FOXP1: variants seen among roughly 807,000 people sequenced by gnomAD.
FOXP1 encodes the protein forkhead box protein P1.
FOXP1 carries 15 observed loss-of-function variants against 98.2 expected under a neutral mutation model. The observed-to-expected ratio is 0.15, with a 90% confidence interval of 0.10 to 0.24. The LOEUF is 0.24. Among genes scored for constraint, FOXP1 ranks in the 10% least tolerant of loss-of-function variants. The pLI, the probability that FOXP1 is intolerant of heterozygous loss-of-function variation, is 1.00. For synonymous variants in FOXP1, 371 were observed against 314.5 expected, an observed-to-expected ratio of 1.18 and a Z score of -1.90; for missense variants, 633 against 848.5, an observed-to-expected ratio of 0.75 and a Z score of 3.15.
intron 2 of FOXP1, among the ~76,000 whole-genome samples, chr3:71,549,686 T>C (rs2045622453): frequency 6.6e-6 from 1 of 152,134 alleles, no homozygotes; most frequent in African/African-American, 2.4e-5. Context: ...AAAACATATA[T>C]ATTTTAATAA....
At chr3:70,971,150 G>A in intron 18 of FOXP1, 1 of 343,086 alleles carries the variant, frequency 2.9e-6, no homozygotes, top group Non-Finnish European at 5.6e-6. Context: ...AGGTCGTGCT[G>A]GGGAAGGCAG....
chr3:71,163,279 G>C (rs992981698), intron 6 of FOXP1, among the ~76,000 whole-genome samples: 2 of 152,186 alleles, frequency 1.3e-5, no homozygotes, highest in African/African-American at 4.8e-5. Flanking sequence ...TACTTCAAAG[G>C]AGTGGACAAA....
In FOXP1 at chr3:70,954,939, G is replaced by A. The variant is rs1156825106; in HGVS notation, c.*4308C>T. The A allele has an allele frequency of 4.3e-6, 1 of 232,758 alleles. No homozygotes were observed. The highest frequency in any genetic ancestry group is 5.6e-5 in the Admixed American group (1 of 17,762). The allele number at this position is 232,758 out of a possible 1,614,324, so 14.4% of individuals were successfully genotyped here. A position where few individuals can be genotyped will look rare whatever the true frequency, so the allele number is the denominator to read the frequency against. ...GCAGCACATATACATGAAGCACCAT[G>A]CTCACAGTCCGGACTGTATCATCTT... On this transcript the variant is annotated 3_prime_UTR_variant, in exon 21 of 21. Coordinates refer to ENST00000649528, the MANE Select transcript of FOXP1 (RefSeq NM_001349338.3).
chr3:71,141,625 AC>A (rs1315430065), intron 6 of FOXP1, among the ~76,000 whole-genome samples: 7 of 152,326 alleles, frequency 4.6e-5, no homozygotes, highest in African/African-American at 1.4e-4. Flanking sequence ...ACTACTTTGT[AC>A]TAAGCACAGT....
At chr3:71,299,616 G>A (rs1010207380) in intron 5 of FOXP1, among the ~76,000 whole-genome samples, 1 of 152,108 alleles carries the variant, frequency 6.6e-6, no homozygotes, top group African/African-American at 2.4e-5. Flanking sequence ...GATAATATTT[G>A]GGGGGGAAAT....
chr3:71,396,970 A>G lies in FOXP1; in HGVS notation c.-167-37726T>C, dbSNP rs1157845704. 1.1e-3 allele frequency among the ~76,000 whole-genome samples: 49 copies of G among 46,244 alleles called. 10 individuals are homozygous for G. Among genetic ancestry groups the G allele is most frequent in the South Asian group, 1.6e-3 (3 of 1,838 alleles). 30.3% of individuals were successfully genotyped at this position (46,244 alleles called of 152,430 possible). On this transcript the variant is annotated intron_variant, in intron 3 of 20. Coordinates refer to ENST00000649528, the MANE Select transcript of FOXP1 (RefSeq NM_001349338.3). ...TATGTGTATATATATATATGTGTGTATATATATATATGTGTATATATATAC... is the reference window on the plus strand; with the variant it reads ...TATGTGTATATATATATATGTGTGTGTATATATATATGTGTATATATATAC...
intron 6 of FOXP1, among the ~76,000 whole-genome samples, chr3:71,118,060 G>A (rs2058503972): frequency 6.6e-6 from 1 of 152,132 alleles, no homozygotes; most frequent in South Asian, 2.1e-4. Flanking sequence ...TCCCATCTAT[G>A]CCCGGATCTG....
chr3:71,011,550 T>C (rs2043633146), intron 12 of FOXP1, among the ~76,000 whole-genome samples: 1 of 152,224 alleles, frequency 6.6e-6, no homozygotes, highest in Non-Finnish European at 1.5e-5. Flanking sequence ...CTAGCCATGC[T>C]TGAAGCCAGC....
intron 6 of FOXP1, among the ~76,000 whole-genome samples, chr3:71,153,593 T>G (rs1332110552): frequency 1.3e-5 from 2 of 151,902 alleles, no homozygotes; most frequent in African/African-American, 4.8e-5. Flanking sequence ...TCTAATCCTC[T>G]TGGTTAAACA....
intron 6 of FOXP1, among the ~76,000 whole-genome samples, chr3:71,190,638 CAAAAAAAA>C (rs55747148): frequency 4.6e-5 from 2 of 43,512 alleles, no homozygotes; most frequent in East Asian, 6.8e-4. Context: ...ACCCCATCTC[CAAAAAAAA>C]AAAAAAAAAA....
intron 3 of FOXP1, among the ~76,000 whole-genome samples, chr3:71,381,792 C>T (rs983144443): frequency 1.3e-5 from 2 of 152,228 alleles, no homozygotes; most frequent in African/African-American, 4.8e-5. Flanking sequence ...ATTCTAAGCA[C>T]TCCTACCAAC....
intron 5 of FOXP1, among the ~76,000 whole-genome samples, chr3:71,275,544 T>G (rs2070795352): frequency 6.6e-6 from 1 of 152,202 alleles, no homozygotes; most frequent in South Asian, 2.1e-4. Context: ...TTAATTTGTT[T>G]TGTTTTGGCA....
intron 11 of FOXP1, among the ~76,000 whole-genome samples, chr3:71,033,719 C>T (rs1004346293): frequency 6.6e-6 from 1 of 151,880 alleles, no homozygotes; most frequent in African/African-American, 2.4e-5. Context: ...GGCGGTGATA[C>T]GGCACCATGC....
chr3:71,579,609 TTTTTTTCTTTTTTTTC>T (rs2047991285), intron 2 of FOXP1, among the ~76,000 whole-genome samples: 1 of 143,546 alleles, frequency 7.0e-6, no homozygotes, highest in African/African-American at 2.6e-5. Context: ...CCAGAGATTT[TTTTTTTCTTTTTTTTC>T]TTTTTTCTTT....
intron 7 of FOXP1, among the ~76,000 whole-genome samples, chr3:71,078,704 G>A (rs1335549569): frequency 1.3e-5 from 2 of 151,746 alleles, no homozygotes; most frequent in African/African-American, 2.4e-5. Context: ...ACTAGATAAC[G>A]TTGCCCAAGG....
At chr3:71,578,003 T>C (rs114458938) in intron 2 of FOXP1, among the ~76,000 whole-genome samples, 1,562 of 152,114 alleles carry the variant, frequency 0.01, 37 homozygotes, top group Non-Finnish European at 1.0e-2. Context: ...TGGCATTTAC[T>C]ATGACTGAAA....
At chr3:71,213,854 G>A (rs1387408728) in intron 5 of FOXP1, among the ~76,000 whole-genome samples, 1 of 152,148 alleles carries the variant, frequency 6.6e-6, no homozygotes, top group Non-Finnish European at 1.5e-5. Flanking sequence ...ACATACATAT[G>A]TATATATTCA....
chr3:71,182,892 A>G (rs2062414487), intron 6 of FOXP1, among the ~76,000 whole-genome samples: 1 of 151,920 alleles, frequency 6.6e-6, no homozygotes, highest in Non-Finnish European at 1.5e-5. Flanking sequence ...CCCCCCCAAA[A>G]AAAACCATTG....
At chr3:71,308,761 G>A (rs191708226) in intron 4 of FOXP1, among the ~76,000 whole-genome samples, 12 of 59,494 alleles carry the variant, frequency 2.0e-4, no homozygotes, top group African/African-American at 6.4e-4. Context: ...GTGTGTGTGT[G>A]TGTGTGTGTG....
Sources: gnomAD v4.1 joint callset for allele counts (sites outside exome capture counted in the v4.1 genomes callset) on GRCh38, gnomAD v4.1.1 for gene constraint, MANE v1.5 for transcripts, NCBI Gene and HGNC (gene_info 2026-07-23, HGNC 2026-07-21) for gene names.